The following EPS8 variants were observed in gnomAD, a reference collection of about 807,000 sequenced individuals.
EPS8 encodes the protein epidermal growth factor receptor kinase substrate 8.
EPS8 carries 42 observed loss-of-function variants against 103.8 expected under a neutral mutation model. The observed-to-expected ratio is 0.40, with a 90% CI of 0.32 to 0.52. The LOEUF is 0.52. EPS8 is among the 20% of genes least tolerant of loss of function. The pLI is 0.40. For missense variants in EPS8, 969 were observed against 1,005.1 expected (o/e 0.96, Z 0.49); for synonymous variants, 344 against 344.6 (o/e 1.00, Z 0.02).
At chr12:15,655,965 T>C (rs995402442) in intron 12 of EPS8, among the ~76,000 whole-genome samples, 1 of 152,196 alleles carries the variant, frequency 6.6e-6, no homozygotes, top group Non-Finnish European at 1.5e-5. Flanking sequence ...ATATTATGAT[T>C]GGAGAGACCA....
chr12:15,660,627 C>T lies in EPS8; in HGVS notation c.924G>A (p.Arg308=), dbSNP rs1382881615. 1 of 1,507,438 alleles carries T rather than the reference C, an allele frequency of 6.6e-7. No individual in the cohort carries two copies. Among genetic ancestry groups the T allele is most frequent in the South Asian group, 1.1e-5 (1 of 88,788 alleles). The allele number at this position is 1,507,438 out of a possible 1,614,324, so 93.4% of individuals were successfully genotyped here. A position where few individuals can be genotyped will look rare whatever the true frequency, so the allele number is the denominator to read the frequency against. Reference sequence around the variant, plus strand: ...AATCCAACTTACCTCCTGGTCCTTTCCTTTTACCTTTCTTGTTTTTCTTCC... The same window carrying T: ...AATCCAACTTACCTCCTGGTCCTTTTCTTTTACCTTTCTTGTTTTTCTTCC... The part of the protein sequence containing the change: ...SKRKKNKKGK[R]KGPGEGVLTL... Residue 308 remains arginine (R), a synonymous_variant, in exon 10 of 21, where the codon AGG becomes AGA. Transcript: ENST00000281172.
chr12:15,788,368 C>G (rs760872996), intron 1 of EPS8, among the ~76,000 whole-genome samples: 1 of 152,124 alleles, frequency 6.6e-6, no homozygotes, highest in East Asian at 1.9e-4. Flanking sequence ...CGGCGTCCTG[C>G]CCCCCGCGAG....
At chr12:15,754,609 G>T (rs1005625856) in intron 1 of EPS8, among the ~76,000 whole-genome samples, 26 of 152,148 alleles carry the variant, frequency 1.7e-4, no homozygotes, top group Non-Finnish European at 3.7e-4. Flanking sequence ...GAGATCCAGA[G>T]AACTCTCAAA....
Position 15,727,979 on chromosome 12 carries a change from T to A in EPS8, c.-21-45007A>T, listed in dbSNP as rs1946673186. The A allele has an allele frequency of 6.6e-6, 1 of 152,170 alleles. No individual in the cohort carries two copies. The highest frequency in any genetic ancestry group is 2.4e-5 in the African/African-American group (1 of 41,436). The allele number at this position is 152,170 out of a possible 1,614,324, so 9.4% of individuals were successfully genotyped here. ...ACTTATAACTGCAGCATAGAATAAT[T>A]CCCTACCAGGTCTGACTGCAATGGA... is the stretch of plus-strand genomic sequence containing the variant. On this transcript the variant is annotated intron_variant, in intron 1 of 20. Transcript: ENST00000281172. This position sits in a 1 kb window ranked among gnomAD's most constrained non-coding sequence, Gnocchi z 4.3.
At chr12:15,689,318 G>A (rs1308142527) in intron 1 of EPS8, among the ~76,000 whole-genome samples, 1 of 146,828 alleles carries the variant, frequency 6.8e-6, no homozygotes, top group Non-Finnish European at 1.5e-5. Context: ...AGAAAACTAG[G>A]ATTAAATATA....
chr12:15,664,554 A>G (rs1304891160), intron 8 of EPS8, among the ~76,000 whole-genome samples: 1 of 152,246 alleles, frequency 6.6e-6, no homozygotes, highest in African/African-American at 2.4e-5. Context: ...AGACCGAAGT[A>G]CAGAGAGATA....
intron 1 of EPS8, among the ~76,000 whole-genome samples, chr12:15,715,587 T>G (rs1946524040): frequency 1.3e-5 from 2 of 151,908 alleles, no homozygotes; most frequent in Non-Finnish European, 1.5e-5. Flanking sequence ...GGTTTCACCA[T>G]GTTGACCAGG....
intron 1 of EPS8, among the ~76,000 whole-genome samples, chr12:15,708,027 A>G (rs971159398): frequency 6.6e-6 from 1 of 152,182 alleles, no homozygotes; most frequent in Non-Finnish European, 1.5e-5. Flanking sequence ...GTGCATTCTT[A>G]CCCTGAGTAG....
chr12:15,752,229 C>T lies in EPS8; in HGVS notation c.-22+36932G>A, dbSNP rs190322150. ...TTGGGAGGCCGAGGCAGGCGGATCA[C>T]GAGGTCAGGAGATCGAGACCATCCT... On this transcript the variant is annotated intron_variant, in intron 1 of 20. Coordinates refer to ENST00000281172, the MANE Select transcript of EPS8 (RefSeq NM_004447.6). This position sits in a 1 kb window ranked among gnomAD's most constrained non-coding sequence, Gnocchi z 4.4. 7.4e-3 allele frequency among the ~76,000 whole-genome samples: 1,129 copies of T among 152,206 alleles called. 18 individuals are homozygous for T. The highest frequency in any genetic ancestry group is 0.026 in the African/African-American group (1,064 of 41,520).
In EPS8 at chr12:15,745,140, C is replaced by A. The variant is rs528671347; in HGVS notation, c.-22+44021G>T. 3.9e-5 allele frequency among the ~76,000 whole-genome samples: 6 copies of A among 152,142 alleles called. No individual in the cohort carries two copies. The highest frequency in any genetic ancestry group is 5.9e-5 in the Non-Finnish European group (4 of 68,028). On this transcript the variant is annotated intron_variant, in intron 1 of 20. Transcript: ENST00000281172. The surrounding 1 kb of genome is among the most constrained non-coding windows in gnomAD (Gnocchi z 4.6). ...CCTCCCAAAGTGCTGGTATTATAGG[C>A]GTGAGCCACCATGCCTGGCCAATTG...
chr12:15,679,192 C>A (rs542386018), intron 3 of EPS8, among the ~76,000 whole-genome samples: 1 of 152,242 alleles, frequency 6.6e-6, no homozygotes, highest in South Asian at 2.1e-4. Flanking sequence ...CCATATTCAT[C>A]AAATTCATCC....
At chr12:15,652,332 T>C (rs1043936064) in intron 13 of EPS8, among the ~76,000 whole-genome samples, 13 of 152,270 alleles carry the variant, frequency 8.5e-5, no homozygotes, top group African/African-American at 3.1e-4. Flanking sequence ...GATTAATGGA[T>C]ACAAACGTAC....
rs1297226431 is a variant in EPS8 at position 15,778,585 on chromosome 12, G to C, written c.-22+10576C>G. ...TACAGATAAACACTAAAACAGTAAGGACAACTCAATCTGAAGATAGGGTTT... is the reference window on the plus strand; with the variant it reads ...TACAGATAAACACTAAAACAGTAAGCACAACTCAATCTGAAGATAGGGTTT... On this transcript the variant is annotated intron_variant, in intron 1 of 20. Transcript: ENST00000281172. This position sits in a 1 kb window ranked among gnomAD's most constrained non-coding sequence, Gnocchi z 4.5. 6.6e-6 allele frequency among the ~76,000 whole-genome samples: 1 copy of C among 152,134 alleles called. No homozygotes were observed. Among genetic ancestry groups the C allele is most frequent in the Non-Finnish European group, 1.5e-5 (1 of 68,028 alleles).
At position 15,717,541 on chromosome 12, in the gene EPS8, C is replaced by T. The variant is rs1029395915; in HGVS notation, c.-21-34569G>A. ...GGCAGAGGTTGCAGTCAGCCGAGAT[C>T]GTGCCATTGCACTCCAGCCTGGGTG... On this transcript the variant is annotated intron_variant, in intron 1 of 20. Coordinates refer to ENST00000281172, the MANE Select transcript of EPS8 (RefSeq NM_004447.6). This position sits in a 1 kb window ranked among gnomAD's most constrained non-coding sequence, Gnocchi z 4.3. Among the ~76,000 whole-genome samples the T allele has an allele frequency of 5.3e-5, 8 of 151,888 alleles. No individual in the cohort carries two copies. The highest frequency in any genetic ancestry group is 1.7e-4 in the African/African-American group (7 of 41,334).
intron 15 of EPS8, among the ~76,000 whole-genome samples, chr12:15,646,349 G>C (rs1945319349): frequency 6.6e-6 from 1 of 152,162 alleles, no homozygotes. Context: ...TGTGGTAAGA[G>C]AGGCTTTTGA....
intron 15 of EPS8, 72 bp from the exon 16 acceptor site, chr12:15,641,902 AC>A: frequency 2.8e-6 from 2 of 726,176 alleles, no homozygotes; most frequent in Non-Finnish European, 4.3e-6. Context: ...AAACACTGAG[AC>A]AAGCCAAATC....
In EPS8 at chr12:15,690,348, T is replaced by C. The variant is rs1946154692; in HGVS notation, c.-21-7376A>G. ...TTAATTGTTAAACCACATGGGACTC[T>C]TTAAAAAGCATAAGAATTCTATTTT... On this transcript the variant is annotated intron_variant, in intron 1 of 20. Transcript: ENST00000281172. The surrounding 1 kb of genome is among the most constrained non-coding windows in gnomAD (Gnocchi z 4.7). Among the ~76,000 whole-genome samples, 1 of 152,216 alleles carries C rather than the reference T, an allele frequency of 6.6e-6. No homozygotes were observed. Among genetic ancestry groups the C allele is most frequent in the African/African-American group, 2.4e-5 (1 of 41,466 alleles).
At chr12:15,676,597 A>G (rs1481084683) in intron 3 of EPS8, among the ~76,000 whole-genome samples, 1 of 152,254 alleles carries the variant, frequency 6.6e-6, no homozygotes, top group Non-Finnish European at 1.5e-5. Context: ...GGAATATTTA[A>G]TATACTTTAC....
intron 10 of EPS8, among the ~76,000 whole-genome samples, chr12:15,659,850 G>A (rs1476400128): frequency 6.6e-6 from 1 of 152,120 alleles, no homozygotes; most frequent in Non-Finnish European, 1.5e-5. Context: ...CTTTGTATGT[G>A]ACCTGAATGT....
Sources: gnomAD v4.1 joint callset for allele counts (sites outside exome capture counted in the v4.1 genomes callset) on GRCh38, gnomAD v4.1.1 for gene constraint, Gnocchi (gnomAD v3.1) non-coding constraint, MANE v1.5 for transcripts, NCBI Gene and HGNC (gene_info 2026-07-23, HGNC 2026-07-21) for gene names.